MCMDC2: variants seen among roughly 807,000 people sequenced by gnomAD.
The protein encoded by MCMDC2 is minichromosome maintenance domain-containing protein 2.
In MCMDC2, 54 loss-of-function variants were observed where a neutral mutation model predicts 75.8. The ratio of observed to expected loss-of-function variants is 0.71; its 90% CI spans 0.57 to 0.89. The LOEUF (loss-of-function observed/expected upper bound fraction) is 0.89, where lower values mean the gene tolerates loss of function less well. Among genes scored for constraint, MCMDC2 ranks in the 40% least tolerant of loss-of-function variants. The probability of loss-of-function intolerance (pLI) is 0.00; values close to 1 mark genes in which losing one functional copy is unlikely to be tolerated. For synonymous variants in MCMDC2, 249 were observed against 274.6 expected, an observed-to-expected ratio of 0.91 and a Z score of 0.92; for missense variants, 656 against 780.4, an observed-to-expected ratio of 0.84 and a Z score of 1.90.
rs545263352 is a variant in MCMDC2 at position 66,887,186 on chromosome 8, T to G, written c.1073+3192T>G. Among the ~76,000 whole-genome samples, 248 of 152,254 alleles carry G rather than the reference T, an allele frequency of 1.6e-3. 1 individual carries two copies. Among genetic ancestry groups the G allele is most frequent in the African/African-American group, 5.8e-3 (242 of 41,574 alleles). ...CTTTGATGAGCAGGCTTTTTAAGTT[T>G]TGATGAAATTCAATTTATTATTTAC... On this transcript the variant is annotated intron_variant, in intron 9 of 14. Coordinates refer to ENST00000422365, the MANE Select transcript of MCMDC2 (RefSeq NM_173518.5).
rs574783647 is a variant in MCMDC2 at position 66,887,422 on chromosome 8, C to T, written c.1073+3428C>T. ...AAAAAATTAGCCGGGCATAGTGGTG[C>T]GTGCCTGTAATCCCATCTACTGGGG... On this transcript the variant is annotated intron_variant, in intron 9 of 14. Coordinates refer to ENST00000422365, the MANE Select transcript of MCMDC2 (RefSeq NM_173518.5). Among the ~76,000 whole-genome samples the T allele has an allele frequency of 1.9e-3, 279 of 150,466 alleles. 1 individual carries two copies. Among genetic ancestry groups the T allele is most frequent in the Middle Eastern group, 3.5e-3 (1 of 282 alleles).
chr8:66,890,385 CTT>C (rs542380548), intron 9 of MCMDC2, among the ~76,000 whole-genome samples: 7 of 144,238 alleles, frequency 4.9e-5, no homozygotes, highest in Non-Finnish European at 7.6e-5. Context: ...GTTCTAAAGA[CTT>C]TTTTTTTTTT....
At chr8:66,876,380 A>G (rs1300997059) in intron 4 of MCMDC2, among the ~76,000 whole-genome samples, 3 of 152,184 alleles carry the variant, frequency 2.0e-5, no homozygotes, top group Non-Finnish European at 2.9e-5. Flanking sequence ...ATAATGGCCA[A>G]TATTTTTTGA....
chr8:66,874,235 G>A lies in MCMDC2; in HGVS notation c.94+1G>A. The A allele has an allele frequency of 6.2e-7, 1 of 1,611,336 alleles. No individual in the cohort carries two copies. On this transcript the variant is annotated splice_donor_variant, in intron 2 of 14. Coordinates refer to ENST00000422365, the MANE Select transcript of MCMDC2 (RefSeq NM_173518.5). LOFTEE classifies it high-confidence loss of function. Reference sequence around the variant, plus strand: ...ATAGATGATTGCAAGTACTACAATGGTACGTTCAGCAAAGGTGAGTTATTT... The same window carrying A: ...ATAGATGATTGCAAGTACTACAATGATACGTTCAGCAAAGGTGAGTTATTT...
chr8:66,900,681 A>G (rs371000095), intron 12 of MCMDC2, among the ~76,000 whole-genome samples: 10 of 152,298 alleles, frequency 6.6e-5, no homozygotes, highest in African/African-American at 2.4e-4. Flanking sequence ...ACTCAAAAAA[A>G]ACAGTGATAA....
At chr8:66,918,874 TCACAGAACCACA>T in intron 14 of MCMDC2, 117 bp from the exon 15 acceptor site, 3 of 775,986 alleles carry the variant, frequency 3.9e-6, no homozygotes, top group Non-Finnish European at 5.6e-6. Context: ...CTTTTATTTT[TCACAGAACCACA>T]TGGGCTCAGA....
intron 1 of MCMDC2, among the ~76,000 whole-genome samples, chr8:66,872,253 T>G (rs1289403199): frequency 6.6e-6 from 1 of 151,116 alleles, no homozygotes; most frequent in Non-Finnish European, 1.5e-5. Flanking sequence ...AAACTGATAA[T>G]GAGGGTGGAA....
intron 1 of MCMDC2, among the ~76,000 whole-genome samples, chr8:66,871,933 C>A (rs993846448): frequency 6.6e-6 from 1 of 151,838 alleles, no homozygotes; most frequent in Non-Finnish European, 1.5e-5. Flanking sequence ...TAATACTAAC[C>A]CCCTTAAAAA....
chr8:66,903,498 T>C (rs1812789439), intron 13 of MCMDC2, among the ~76,000 whole-genome samples: 3 of 152,234 alleles, frequency 2.0e-5, no homozygotes, highest in Admixed American at 6.5e-5. Context: ...GGTCTATCAG[T>C]AGGGGACTGT....
intron 9 of MCMDC2, among the ~76,000 whole-genome samples, chr8:66,886,867 G>T (rs918369619): frequency 6.6e-6 from 1 of 151,958 alleles, no homozygotes; most frequent in African/African-American, 2.4e-5. Flanking sequence ...AGTTCCTCTT[G>T]TTTCCATCCT....
chr8:66,923,746 G>T (rs1441549107), downstream of MCMDC2, among the ~76,000 whole-genome samples: 1 of 151,974 alleles, frequency 6.6e-6, no homozygotes, highest in African/African-American at 2.4e-5. Context: ...TAATTAACTG[G>T]GCATGATGGT....
intron 12 of MCMDC2, among the ~76,000 whole-genome samples, chr8:66,898,589 A>G (rs1812472415): frequency 6.7e-6 from 1 of 148,976 alleles, no homozygotes; most frequent in Non-Finnish European, 1.5e-5. Context: ...GCGCCACTGC[A>G]CTCCAGCCTG....
Position 66,903,168 on chromosome 8 carries a change from T to C in MCMDC2, c.1769+1820T>C, listed in dbSNP as rs557332507. Among the ~76,000 whole-genome samples, 87 of 151,766 alleles carry C rather than the reference T, an allele frequency of 5.7e-4. 1 individual carries two copies. In the South Asian group the frequency reaches 6.6e-3, roughly 12 times the overall value. ...TGTAATTTGATCTGAGTATTTTAAA[T>C]GTTACTTCAGGAAACAGAAAGCATT... On this transcript the variant is annotated intron_variant, in intron 13 of 14. Coordinates refer to ENST00000422365, the MANE Select transcript of MCMDC2 (RefSeq NM_173518.5).
chr8:66,924,697 C>T (rs775358907), downstream of MCMDC2, among the ~76,000 whole-genome samples: 7 of 151,956 alleles, frequency 4.6e-5, no homozygotes, highest in Non-Finnish European at 7.4e-5. Context: ...AGTTGCTGAC[C>T]GGTTTCTTCT....
intron 12 of MCMDC2, 61 bp from the exon 13 acceptor site, chr8:66,901,145 A>G (rs1812636963): frequency 7.8e-7 from 1 of 1,275,314 alleles, no homozygotes; most frequent in Non-Finnish European, 1.1e-6. Flanking sequence ...TATACTTTTG[A>G]TTTCTGTTAT....
Position 66,922,012 on chromosome 8 carries a change from A to G in MCMDC2, c.*2843A>G, listed in dbSNP as rs527405048. On this transcript the variant is annotated 3_prime_UTR_variant, in exon 15 of 15. Coordinates refer to ENST00000422365, the MANE Select transcript of MCMDC2 (RefSeq NM_173518.5). ...GTATTTTTCTCCATAATTTATTGTG[A>G]TGTTATCAACATCAAGTAAAATGCT... 2 of 153,158 alleles carry G rather than the reference A, an allele frequency of 1.3e-5. No homozygotes were observed. The highest frequency in any genetic ancestry group is 3.8e-4 in the East Asian group (2 of 5,206). 9.5% of individuals were successfully genotyped at this position (153,158 alleles called of 1,614,324 possible). A position where few individuals can be genotyped will look rare whatever the true frequency, so the allele number is the denominator to read the frequency against.
At chr8:66,893,502 A>G (rs1812207708) in intron 10 of MCMDC2, among the ~76,000 whole-genome samples, 1 of 152,230 alleles carries the variant, frequency 6.6e-6, no homozygotes, top group East Asian at 1.9e-4. Flanking sequence ...GTAGAGTGTG[A>G]AAGGCACATC....
chr8:66,876,649 G>A (rs990712234), intron 4 of MCMDC2, among the ~76,000 whole-genome samples: 1 of 152,140 alleles, frequency 6.6e-6, no homozygotes, highest in Admixed American at 6.5e-5. Context: ...CTTTTAGTAA[G>A]AAATGATACT....
intron 9 of MCMDC2, among the ~76,000 whole-genome samples, chr8:66,884,801 G>A (rs903809635): frequency 4.0e-5 from 6 of 151,708 alleles, no homozygotes; most frequent in Non-Finnish European, 8.8e-5. Flanking sequence ...TTTTGAGACA[G>A]GGTCTCACTC....
Sources: gnomAD v4.1 joint callset for allele counts (sites outside exome capture counted in the v4.1 genomes callset) on GRCh38, gnomAD v4.1.1 for gene constraint, MANE v1.5 for transcripts, NCBI Gene and HGNC (gene_info 2026-07-23, HGNC 2026-07-21) for gene names.